PXDNL: variants seen among roughly 807,000 people sequenced by gnomAD.
The protein encoded by PXDNL is peroxidasin like, also known as probable oxidoreductase PXDNL.
Under a neutral mutation model 150.8 loss-of-function variants are expected in PXDNL, and 145 were observed. That is an observed-to-expected ratio of 0.96 (90% confidence interval 0.84 to 1.10). PXDNL has a LOEUF of 1.10. Among genes scored for constraint, PXDNL ranks in the 50% least tolerant of loss-of-function variants. The probability of loss-of-function intolerance (pLI) is 0.00; values close to 1 mark genes in which losing one functional copy is unlikely to be tolerated. For missense variants in PXDNL, 2,087 were observed against 1,873.9 expected (o/e 1.11, Z -2.10); for synonymous variants, 757 against 725.7 (o/e 1.04, Z -0.69).
intron 1 of PXDNL, among the ~76,000 whole-genome samples, chr8:51,682,998 G>A (rs1302339246): frequency 1.3e-5 from 2 of 151,398 alleles, no homozygotes; most frequent in African/African-American, 2.4e-5. Context: ...AATCATTTTT[G>A]ATAAATATTC....
intron 2 of PXDNL, among the ~76,000 whole-genome samples, chr8:51,642,500 G>C (rs937194610): frequency 5.3e-5 from 8 of 152,018 alleles, no homozygotes; most frequent in African/African-American, 1.9e-4. Flanking sequence ...AGCCCTTCAG[G>C]CTAAAAACTG....
intron 10 of PXDNL, among the ~76,000 whole-genome samples, chr8:51,452,504 A>T (rs1809828313): frequency 6.6e-6 from 1 of 152,182 alleles, no homozygotes; most frequent in Admixed American, 6.5e-5. Context: ...TTCAATTTAG[A>T]AAACATTCTC....
Position 51,472,169 on chromosome 8 carries a change from T to C in PXDNL, c.812+18A>G, listed in dbSNP as rs775760590. 4 of 1,508,066 alleles carry C rather than the reference T, an allele frequency of 2.7e-6. No individual in the cohort carries two copies. Among genetic ancestry groups the C allele is most frequent in the Middle Eastern group, 3.4e-4 (2 of 5,860 alleles). The allele number at this position is 1,508,066 out of a possible 1,614,324, so 93.4% of individuals were successfully genotyped here. A position where few individuals can be genotyped will look rare whatever the true frequency, so the allele number is the denominator to read the frequency against. On this transcript the variant is annotated intron_variant, in intron 8 of 22. Coordinates refer to ENST00000356297, the MANE Select transcript of PXDNL (RefSeq NM_144651.5). ...ATCAGAAGGAGAATCACAACCCATG[T>C]CCATGCTCAGTATTTACTTGTTGTG...
At chr8:51,586,415 T>C (rs975895215) in intron 3 of PXDNL, among the ~76,000 whole-genome samples, 2 of 152,188 alleles carry the variant, frequency 1.3e-5, no homozygotes, top group Admixed American at 1.3e-4. Context: ...ATAGAAATGC[T>C]TGATTGTTTT....
At chr8:51,741,008 C>T (rs7836384) in intron 1 of PXDNL, among the ~76,000 whole-genome samples, 145,982 of 152,272 alleles carry the variant, frequency 0.96, 70,280 homozygotes, top group East Asian at 1. Context: ...TCCTTTTCAG[C>T]TGTTTCGAAT....
At chr8:51,330,541 T>G (rs537942066) in intron 21 of PXDNL, among the ~76,000 whole-genome samples, 87 of 151,574 alleles carry the variant, frequency 5.7e-4, no homozygotes, top group Non-Finnish European at 8.4e-4. Flanking sequence ...GAAATTTACT[T>G]TCTCACAGCT....
Position 51,779,345 on chromosome 8 carries a change from G to A in PXDNL, c.164+29836C>T, listed in dbSNP as rs990355806. Among the ~76,000 whole-genome samples, 34 of 152,194 alleles carry A rather than the reference G, an allele frequency of 2.2e-4. 1 individual carries two copies. Among genetic ancestry groups the A allele is most frequent in the Admixed American group, 2.0e-3 (31 of 15,286 alleles). ...AGGCGAAGTCCCTGTGGGCACCTAT[G>A]TGAGTTTCCAGGGTATCTGAGTGAG... On this transcript the variant is annotated intron_variant, in intron 1 of 22. Transcript: ENST00000356297.
At chr8:51,353,192 C>T (rs1473240) in intron 19 of PXDNL, among the ~76,000 whole-genome samples, 109,506 of 149,264 alleles carry the variant, frequency 0.73, 40,686 homozygotes, top group East Asian at 0.94. Context: ...ATAATACATA[C>T]TAGATATTAG....
At chr8:51,599,395 T>C (rs1479256603) in intron 2 of PXDNL, among the ~76,000 whole-genome samples, 1 of 151,768 alleles carries the variant, frequency 6.6e-6, no homozygotes, top group Non-Finnish European at 1.5e-5. Context: ...CCTCTTAACA[T>C]TGCTTTTGTT....
At chr8:51,756,805 A>G (rs575916397) in intron 1 of PXDNL, among the ~76,000 whole-genome samples, 1 of 151,898 alleles carries the variant, frequency 6.6e-6, no homozygotes, top group Non-Finnish European at 1.5e-5. Context: ...TTTTTTTTTA[A>G]TCTGTACTAC....
chr8:51,421,098 A>C (rs1191731234), intron 14 of PXDNL, among the ~76,000 whole-genome samples: 1 of 152,234 alleles, frequency 6.6e-6, no homozygotes, highest in Admixed American at 6.5e-5. Context: ...CTGAGATTAC[A>C]GTGCTTCTGT....
chr8:51,766,223 A>G (rs2037230473), intron 1 of PXDNL, among the ~76,000 whole-genome samples: 1 of 152,188 alleles, frequency 6.6e-6, no homozygotes, highest in Non-Finnish European at 1.5e-5. Context: ...CCTTAGTTTT[A>G]ATAGTATAGA....
chr8:51,630,277 A>C (rs1814463005), intron 2 of PXDNL, among the ~76,000 whole-genome samples: 1 of 152,196 alleles, frequency 6.6e-6, no homozygotes, highest in South Asian at 2.1e-4. Flanking sequence ...CATATATAAA[A>C]ATAAATTCAA....
intron 4 of PXDNL, among the ~76,000 whole-genome samples, chr8:51,538,590 A>G (rs1212585408): frequency 6.6e-6 from 1 of 151,798 alleles, no homozygotes; most frequent in Non-Finnish European, 1.5e-5. Context: ...ACATGATGAA[A>G]CCTCGTCTCT....
chr8:51,353,430 T>TA (rs1447121757), intron 19 of PXDNL, among the ~76,000 whole-genome samples: 1 of 151,980 alleles, frequency 6.6e-6, no homozygotes. Context: ...TTACCTCTGT[T>TA]ACCCATAAAT....
At chr8:51,765,889 G>T in intron 1 of PXDNL, among the ~76,000 whole-genome samples, 1 of 150,834 alleles carries the variant, frequency 6.6e-6, no homozygotes, top group African/African-American at 2.4e-5. Flanking sequence ...TATCCCCCAG[G>T]CTGGAGTGCA....
chr8:51,798,918 A>G (rs561425551), intron 1 of PXDNL, among the ~76,000 whole-genome samples: 2 of 152,334 alleles, frequency 1.3e-5, no homozygotes, highest in South Asian at 4.1e-4. Context: ...GCCCAAAGGA[A>G]TATAAATCAT....
chr8:51,632,948 G>A (rs1303624358), intron 2 of PXDNL, among the ~76,000 whole-genome samples: 2 of 151,950 alleles, frequency 1.3e-5, no homozygotes, highest in African/African-American at 4.8e-5. Context: ...TTGTTACATG[G>A]GTATACTGGG....
chr8:51,728,629 A>G (rs530060232), intron 1 of PXDNL, among the ~76,000 whole-genome samples: 1 of 152,322 alleles, frequency 6.6e-6, no homozygotes, highest in Admixed American at 6.5e-5. Context: ...TGTATAGAAT[A>G]AGGAGATAAA....
Sources: gnomAD v4.1 joint callset for allele counts (sites outside exome capture counted in the v4.1 genomes callset) on GRCh38, gnomAD v4.1.1 for gene constraint, MANE v1.5 for transcripts, NCBI Gene and HGNC (gene_info 2026-07-23, HGNC 2026-07-21) for gene names.